Variants in OR56A3 observed in about 807,000 individuals in gnomAD.
The protein encoded by OR56A3 is olfactory receptor family 56 subfamily A member 3.
A neutral mutation model predicts 17.5 loss-of-function variants in OR56A3; 23 were observed. The observed-to-expected ratio is 1.32, with a 90% CI of 0.95 to 1.87. OR56A3 has a LOEUF of 1.87. OR56A3 is among the 40% of genes most tolerant of loss of function. The probability of loss-of-function intolerance (pLI) is 0.00; values close to 1 mark genes in which losing one functional copy is unlikely to be tolerated. For synonymous variants in OR56A3, 175 were observed against 150.6 expected, an observed-to-expected ratio of 1.16 and a Z score of -1.19; for missense variants, 366 against 380.1, an observed-to-expected ratio of 0.96 and a Z score of 0.31.
chr11:6,002,011 C>T, the OR56A3 span: 1 of 1,489,636 alleles, frequency 6.7e-7, no homozygotes, highest in Non-Finnish European at 8.9e-7. Context: ...TTTTCACTAA[C>T]AATTAACAAC....
the OR56A3 span, chr11:5,994,377 C>G: frequency 2.8e-6 from 2 of 709,790 alleles, no homozygotes; most frequent in Non-Finnish European, 5.2e-6. Context: ...CAGCTTCTCT[C>G]TGTTCTTCCC....
chr11:5,988,401 AAT>A, the OR56A3 span, among the ~76,000 whole-genome samples: 1 of 152,188 alleles, frequency 6.6e-6, no homozygotes, highest in African/African-American at 2.4e-5. Context: ...AAATAAAAGC[AAT>A]GGAGGAAGAC....
At chr11:6,001,801 T>G in the OR56A3 span, 2 of 410,042 alleles carry the variant, frequency 4.9e-6, no homozygotes, top group Non-Finnish European at 8.6e-6. Context: ...GATTCTTTGT[T>G]GCAGATTAGA....
chr11:6,018,151 C>T, the OR56A3 span, among the ~76,000 whole-genome samples: 5 of 152,054 alleles, frequency 3.3e-5, no homozygotes, highest in South Asian at 4.1e-4. Context: ...TAGGCAGAGA[C>T]GCCAACGCCC....
At chr11:5,956,833 C>T in the OR56A3 span, among the ~76,000 whole-genome samples, 2 of 152,146 alleles carry the variant, frequency 1.3e-5, no homozygotes, top group Non-Finnish European at 2.9e-5. Context: ...CTACACACTT[C>T]CAAAAATGAA....
chr11:5,983,661 C>A, the OR56A3 span, among the ~76,000 whole-genome samples: 1 of 152,152 alleles, frequency 6.6e-6, no homozygotes, highest in Non-Finnish European at 1.5e-5. Flanking sequence ...ACAAGGGGGA[C>A]ATATGGGAGT....
chr11:6,016,686 C>A, the OR56A3 span, among the ~76,000 whole-genome samples: 51 of 151,360 alleles, frequency 3.4e-4, no homozygotes, highest in Middle Eastern at 0.01. Context: ...TTATTAAATG[C>A]CTGAAAAAGA....
At chr11:6,021,497 A>C in the OR56A3 span, 1 of 152,148 alleles carries the variant, frequency 6.6e-6, no homozygotes, top group African/African-American at 2.4e-5. Context: ...CTTCATAAAT[A>C]TGTATAATTA....
At chr11:6,005,252 C>T in the OR56A3 span, among the ~76,000 whole-genome samples, 1 of 151,956 alleles carries the variant, frequency 6.6e-6, no homozygotes, top group African/African-American at 2.4e-5. Context: ...AAGCTAAGAG[C>T]ATCAAAGGAC....
the OR56A3 span, among the ~76,000 whole-genome samples, chr11:5,979,254 A>C: frequency 6.6e-6 from 1 of 151,256 alleles, no homozygotes; most frequent in African/African-American, 2.4e-5. Context: ...TTGGGAAGTC[A>C]CTCCTTCTCA....
the OR56A3 span, among the ~76,000 whole-genome samples, chr11:6,005,205 T>C: frequency 3.3e-5 from 5 of 152,136 alleles, no homozygotes; most frequent in African/African-American, 9.7e-5. Context: ...AAAGGGGCTG[T>C]CATATTCTGA....
chr11:5,964,762 T>C, the OR56A3 span, among the ~76,000 whole-genome samples: 4 of 152,204 alleles, frequency 2.6e-5, no homozygotes, highest in Non-Finnish European at 5.9e-5. Context: ...TTTACAGATA[T>C]TGGCATGTAG....
the OR56A3 span, among the ~76,000 whole-genome samples, chr11:6,013,558 A>G: frequency 6.6e-6 from 1 of 152,098 alleles, no homozygotes; most frequent in Non-Finnish European, 1.5e-5. Context: ...CAGGGTGGGC[A>G]TGGCACCCTG....
At chr11:5,993,274 T>G in the OR56A3 span, among the ~76,000 whole-genome samples, 1 of 152,218 alleles carries the variant, frequency 6.6e-6, no homozygotes, top group Non-Finnish European at 1.5e-5. Flanking sequence ...TGAAGAATTT[T>G]AAGCAGAGGA....
At chr11:5,955,492 G>A (rs1031325583), downstream of OR56A3, among the ~76,000 whole-genome samples, 7 of 152,142 alleles carry the variant, frequency 4.6e-5, no homozygotes, top group Non-Finnish European at 1.0e-4. Context: ...TAGAGCAGGA[G>A]TGAATGTTTA....
At chr11:5,994,704 T>G in the OR56A3 span, 1 of 833,412 alleles carries the variant, frequency 1.2e-6, no homozygotes, top group Non-Finnish European at 2.1e-6. Flanking sequence ...GCATTGTCGA[T>G]TTGCAGAATG....
the OR56A3 span, chr11:6,003,010 A>G: frequency 2.5e-6 from 4 of 1,614,068 alleles, no homozygotes; most frequent in East Asian, 8.9e-5. Flanking sequence ...TTCCTGATCA[A>G]TCTGGAGACC....
the OR56A3 span, among the ~76,000 whole-genome samples, chr11:6,008,063 G>A: frequency 6.6e-6 from 1 of 152,130 alleles, no homozygotes; most frequent in East Asian, 1.9e-4. Context: ...AAAAACAAAT[G>A]GAATGGTCAC....
the OR56A3 span, among the ~76,000 whole-genome samples, chr11:6,004,181 G>A: frequency 2.6e-5 from 4 of 152,122 alleles, no homozygotes; most frequent in Non-Finnish European, 5.9e-5. Context: ...ATGAAACCTC[G>A]TCTCTATTAA....
Sources: gnomAD v4.1 joint callset for allele counts (sites outside exome capture counted in the v4.1 genomes callset) on GRCh38, gnomAD v4.1.1 for gene constraint, MANE v1.5 for transcripts, NCBI Gene and HGNC (gene_info 2026-07-23, HGNC 2026-07-21) for gene names.